Variants in TMEM108 observed in about 807,000 individuals in gnomAD.
The protein encoded by TMEM108 is transmembrane protein 108.
A neutral mutation model predicts 35.1 loss-of-function variants in TMEM108; 12 were observed. The ratio of observed to expected loss-of-function variants is 0.34; its 90% CI spans 0.22 to 0.55. The LOEUF is 0.55. TMEM108 is among the 20% of genes least tolerant of loss of function. TMEM108 has a pLI of 0.89. For synonymous variants in TMEM108, 287 were observed against 308.6 expected (o/e 0.93, Z 0.73); for missense variants, 680 against 753.3 (o/e 0.90, Z 1.14).
At chr3:133,125,046 A>G (rs1295574857) in intron 2 of TMEM108, 2 of 152,258 alleles carry the variant, frequency 1.3e-5, no homozygotes, top group African/African-American at 4.8e-5. Context: ...TGGAGAATTT[A>G]CAATCCCAAA....
intron 2 of TMEM108, among the ~76,000 whole-genome samples, chr3:133,159,566 T>TATG (rs1301845736): frequency 6.6e-6 from 1 of 152,212 alleles, no homozygotes. Flanking sequence ...AGAAGCCCAC[T>TATG]ATGATGATGA....
chr3:133,344,529 G>A (rs937473337), intron 3 of TMEM108, among the ~76,000 whole-genome samples: 2 of 150,940 alleles, frequency 1.3e-5, no homozygotes, highest in African/African-American at 4.9e-5. Flanking sequence ...GAAGAATGAA[G>A]ATAAATTACC....
chr3:133,375,366 A>G (rs774032223), intron 3 of TMEM108, among the ~76,000 whole-genome samples: 1 of 152,216 alleles, frequency 6.6e-6, no homozygotes, highest in Non-Finnish European at 1.5e-5. Context: ...ACAATTGTCC[A>G]TATTCAGACA....
At chr3:133,351,508 G>A (rs1337209787) in intron 3 of TMEM108, among the ~76,000 whole-genome samples, 1 of 152,112 alleles carries the variant, frequency 6.6e-6, no homozygotes, top group African/African-American at 2.4e-5. Context: ...CCCTGTCTTG[G>A]TGTCCCAGGT....
intron 2 of TMEM108, among the ~76,000 whole-genome samples, chr3:133,118,541 C>T (rs912122115): frequency 6.6e-6 from 1 of 152,170 alleles, no homozygotes; most frequent in Admixed American, 6.6e-5. Context: ...CACCTGCCCC[C>T]AGTGAACATC....
At chr3:133,121,169 C>T (rs1944347982) in intron 2 of TMEM108, among the ~76,000 whole-genome samples, 2 of 152,168 alleles carry the variant, frequency 1.3e-5, no homozygotes, top group African/African-American at 4.8e-5. Context: ...AAACAAGCTG[C>T]CTTTCTTTTG....
intron 3 of TMEM108, among the ~76,000 whole-genome samples, chr3:133,352,705 G>A (rs1462625420): frequency 2.6e-5 from 4 of 152,190 alleles, no homozygotes; most frequent in Non-Finnish European, 4.4e-5. Context: ...CCTAGGGCAA[G>A]GTATATGGGA....
intron 3 of TMEM108, among the ~76,000 whole-genome samples, chr3:133,343,515 A>G (rs776884256): frequency 2.6e-5 from 4 of 151,948 alleles, no homozygotes; most frequent in Non-Finnish European, 4.4e-5. Flanking sequence ...CTGTGGTACA[A>G]TCATGCAGTG....
At chr3:133,372,882 T>A (rs973121900) in intron 3 of TMEM108, among the ~76,000 whole-genome samples, 1 of 152,194 alleles carries the variant, frequency 6.6e-6, no homozygotes, top group Non-Finnish European at 1.5e-5. Context: ...CATAAAGAAG[T>A]GAAGTCACAG....
intron 3 of TMEM108, among the ~76,000 whole-genome samples, chr3:133,362,964 G>C (rs755245420): frequency 2.0e-5 from 3 of 152,142 alleles, no homozygotes; most frequent in African/African-American, 7.2e-5. Flanking sequence ...GGACCCAGCC[G>C]GGCCAGAGGG....
intron 1 of TMEM108, among the ~76,000 whole-genome samples, chr3:133,044,915 C>G (rs952808589): frequency 6.6e-6 from 1 of 151,008 alleles, no homozygotes; most frequent in African/African-American, 2.4e-5. Context: ...TGTGATCACA[C>G]AGTACATAGT....
rs554433423 is a variant in TMEM108, at chr3:133,176,175, G to A, written c.-46-53091G>A. Among the ~76,000 whole-genome samples the A allele has an allele frequency of 6.6e-5, 10 of 152,270 alleles. No homozygotes were observed. The South Asian group carries it at 1.9e-3, about 28-fold the overall frequency. On this transcript the variant is annotated intron_variant, in intron 2 of 5. Coordinates refer to ENST00000321871, the MANE Select transcript of TMEM108 (RefSeq NM_023943.4). Reference sequence around the variant, plus strand: ...AGGAGCACCCAGATTCATAAAGCAAGTCCTTAGAGACCTACAAAGAGACTT... The same window carrying A: ...AGGAGCACCCAGATTCATAAAGCAAATCCTTAGAGACCTACAAAGAGACTT...
intron 3 of TMEM108, among the ~76,000 whole-genome samples, chr3:133,376,475 CCAGCTGGGTGCAGG>C (rs2072843305): frequency 6.6e-6 from 1 of 152,184 alleles, no homozygotes; most frequent in Non-Finnish European, 1.5e-5. Flanking sequence ...GCAGCAAACA[CCAGCTGGGTGCAGG>C]CAGAACCTGA....
chr3:133,188,198 C>T (rs1339215368), intron 2 of TMEM108, among the ~76,000 whole-genome samples: 1 of 152,146 alleles, frequency 6.6e-6, no homozygotes, highest in Admixed American at 6.6e-5. Flanking sequence ...TCTTGGAAAC[C>T]TTTCCCATCG....
intron 3 of TMEM108, among the ~76,000 whole-genome samples, chr3:133,330,430 AAGAG>A (rs1221643807): frequency 6.6e-6 from 1 of 152,156 alleles, no homozygotes; most frequent in African/African-American, 2.4e-5. Context: ...ATGTGTGTGT[AAGAG>A]AGAGAATATG....
intron 2 of TMEM108, among the ~76,000 whole-genome samples, chr3:133,065,695 T>C (rs958175188): frequency 2.0e-5 from 3 of 152,178 alleles, no homozygotes; most frequent in Admixed American, 6.5e-5. Flanking sequence ...CCATATGGCA[T>C]TCTAGTGGTA....
intron 3 of TMEM108, among the ~76,000 whole-genome samples, chr3:133,351,724 G>A (rs2072004185): frequency 6.6e-6 from 1 of 152,126 alleles, no homozygotes; most frequent in Non-Finnish European, 1.5e-5. Context: ...GGAAAGTGAG[G>A]CACAAAGTGA....
At chr3:133,120,012 G>A (rs374774064) in intron 2 of TMEM108, among the ~76,000 whole-genome samples, 5 of 152,282 alleles carry the variant, frequency 3.3e-5, no homozygotes, top group East Asian at 1.9e-4. Flanking sequence ...AACTAGGGAG[G>A]AATGTAATTA....
intron 3 of TMEM108, among the ~76,000 whole-genome samples, chr3:133,376,239 T>A (rs1263678971): frequency 6.6e-6 from 1 of 152,198 alleles, no homozygotes; most frequent in Non-Finnish European, 1.5e-5. Context: ...CTGAGTGTTT[T>A]AAAGATCAGT....
Sources: gnomAD v4.1 joint callset for allele counts (sites outside exome capture counted in the v4.1 genomes callset) on GRCh38, gnomAD v4.1.1 for gene constraint, MANE v1.5 for transcripts, NCBI Gene and HGNC (gene_info 2026-07-23, HGNC 2026-07-21) for gene names.